Variants in PITPNC1 observed in about 807,000 individuals in gnomAD.
PITPNC1 encodes phosphatidylinositol transfer protein cytoplasmic 1.
PITPNC1 carries 18 observed loss-of-function variants against 44.7 expected under a neutral mutation model. The observed-to-expected ratio is 0.40, with a 90% CI of 0.28 to 0.60. The LOEUF is 0.60. Ranked by LOEUF, PITPNC1 falls within the 20% of genes least tolerant of loss-of-function variation. The probability of loss-of-function intolerance (pLI) is 0.39; values close to 1 mark genes in which losing one functional copy is unlikely to be tolerated. For synonymous variants in PITPNC1, 141 were observed against 149.6 expected, an observed-to-expected ratio of 0.94 and a Z score of 0.42; for missense variants, 290 against 418.4, an observed-to-expected ratio of 0.69 and a Z score of 2.68.
chr17:67,406,650 G>A (rs1242837350), intron 1 of PITPNC1, among the ~76,000 whole-genome samples: 4 of 150,552 alleles, frequency 2.7e-5, no homozygotes, highest in Non-Finnish European at 4.4e-5. Flanking sequence ...CCATTGGTGC[G>A]ATCTCAGCCC....
chr17:67,682,891 G>A (rs11655597), intron 8 of PITPNC1, among the ~76,000 whole-genome samples: 90,746 of 152,034 alleles, frequency 0.6, 28,781 homozygotes, highest in Non-Finnish European at 0.71. Context: ...GCCGGGTGTG[G>A]TGGCTCACGC....
chr17:67,559,610 G>C (rs2040881077), intron 4 of PITPNC1, among the ~76,000 whole-genome samples: 2 of 152,216 alleles, frequency 1.3e-5, no homozygotes, highest in Admixed American at 1.3e-4. Context: ...AGTAAGGCCA[G>C]GTGTGGTGGC....
chr17:67,380,538 G>T (rs1379515747), intron 1 of PITPNC1, among the ~76,000 whole-genome samples: 1 of 152,190 alleles, frequency 6.6e-6, no homozygotes, highest in African/African-American at 2.4e-5. Context: ...AGAAGCAGGA[G>T]GGCAATTTAG....
intron 8 of PITPNC1, among the ~76,000 whole-genome samples, chr17:67,678,937 G>C (rs2042652402): frequency 1.3e-5 from 2 of 152,202 alleles, no homozygotes; most frequent in Admixed American, 1.3e-4. Context: ...CTCAAAGTAA[G>C]GTCCCTGGAC....
At chr17:67,688,349 A>AAAAAAAAAAAAAAAAAAAAAAAC (rs1567782236) in intron 8 of PITPNC1, among the ~76,000 whole-genome samples, 1 of 149,860 alleles carries the variant, frequency 6.7e-6, no homozygotes, top group African/African-American at 2.4e-5. Context: ...AAAAAAAAAA[A>AAAAAAAAAAAAAAAAAAAAAAAC]AATCAATGCT....
At chr17:67,649,690 G>A (rs1035933934) in intron 6 of PITPNC1, among the ~76,000 whole-genome samples, 1 of 152,070 alleles carries the variant, frequency 6.6e-6, no homozygotes, top group Non-Finnish European at 1.5e-5. Context: ...TTCGAGACTA[G>A]CCTGGCCAAC....
At chr17:67,414,576 T>C (rs1004900812) in intron 1 of PITPNC1, among the ~76,000 whole-genome samples, 4 of 152,194 alleles carry the variant, frequency 2.6e-5, no homozygotes, top group Non-Finnish European at 4.4e-5. Flanking sequence ...TAAGGTTTTA[T>C]TGGAACACGG....
chr17:67,519,937 G>A (rs1204601364), intron 1 of PITPNC1, among the ~76,000 whole-genome samples: 1 of 152,220 alleles, frequency 6.6e-6, no homozygotes, highest in Non-Finnish European at 1.5e-5. Context: ...GGCATGAAGT[G>A]CCTTGAATAA....
At chr17:67,533,405 C>T (rs538249243) in intron 2 of PITPNC1, among the ~76,000 whole-genome samples, 1 of 152,090 alleles carries the variant, frequency 6.6e-6, no homozygotes, top group East Asian at 1.9e-4. Context: ...CGTGTTACAG[C>T]GAAATGTGAT....
At chr17:67,636,743 GTTTT>G (rs2042037902) in intron 6 of PITPNC1, among the ~76,000 whole-genome samples, 1 of 152,200 alleles carries the variant, frequency 6.6e-6, no homozygotes, top group African/African-American at 2.4e-5. Flanking sequence ...TTCCTGGGCT[GTTTT>G]GGTGGTTGTG....
intron 1 of PITPNC1, among the ~76,000 whole-genome samples, chr17:67,411,924 C>T (rs2143845375): frequency 6.6e-6 from 1 of 152,202 alleles, no homozygotes; most frequent in East Asian, 1.9e-4. Context: ...GATTTGAACC[C>T]AGATACTCTG....
At chr17:67,383,873 A>G (rs180925115) in intron 1 of PITPNC1, among the ~76,000 whole-genome samples, 1 of 152,100 alleles carries the variant, frequency 6.6e-6, no homozygotes, top group Non-Finnish European at 1.5e-5. Context: ...CCCCGTCTCT[A>G]CTAAAAATAC....
intron 5 of PITPNC1, among the ~76,000 whole-genome samples, chr17:67,586,049 A>T (rs2041311591): frequency 6.6e-6 from 1 of 152,176 alleles, no homozygotes. Flanking sequence ...GGACCCTAAC[A>T]CAGCCTCACA....
At chr17:67,607,229 GC>G (rs1568063039) in intron 5 of PITPNC1, among the ~76,000 whole-genome samples, 2 of 152,144 alleles carry the variant, frequency 1.3e-5, no homozygotes, top group Non-Finnish European at 2.9e-5. Flanking sequence ...GCAAGATGGT[GC>G]TTTTCTGACT....
chr17:67,511,022 T>C (rs1013926468), intron 1 of PITPNC1, among the ~76,000 whole-genome samples: 10 of 152,108 alleles, frequency 6.6e-5, no homozygotes, highest in Admixed American at 5.9e-4. Context: ...CAATGGACAA[T>C]ATATTTTTTT....
At chr17:67,489,990 G>A (rs1394416330) in intron 1 of PITPNC1, among the ~76,000 whole-genome samples, 1 of 152,076 alleles carries the variant, frequency 6.6e-6, no homozygotes, top group East Asian at 1.9e-4. Context: ...ATCCCCCTCG[G>A]TCTCCCAAAA....
At chr17:67,629,135 TC>T (rs2144327208) in intron 5 of PITPNC1, among the ~76,000 whole-genome samples, 1 of 152,238 alleles carries the variant, frequency 6.6e-6, no homozygotes, top group South Asian at 2.1e-4. Context: ...CGTGCTTAGT[TC>T]CCTTTCTTTG....
chr17:67,522,939 G>A (rs1378591393), intron 1 of PITPNC1, among the ~76,000 whole-genome samples: 2 of 151,922 alleles, frequency 1.3e-5, no homozygotes, highest in African/African-American at 2.4e-5. Flanking sequence ...CAAAGCACTG[G>A]GATTACAGGC....
chr17:67,459,013 C>T (rs2039295572), intron 1 of PITPNC1, among the ~76,000 whole-genome samples: 1 of 151,876 alleles, frequency 6.6e-6, no homozygotes, highest in Middle Eastern at 3.2e-3. Context: ...TCTCCTAGAC[C>T]CCTGTACCAG....
Sources: gnomAD v4.1 joint callset for allele counts (sites outside exome capture counted in the v4.1 genomes callset) on GRCh38, gnomAD v4.1.1 for gene constraint, MANE v1.5 for transcripts, NCBI Gene and HGNC (gene_info 2026-07-23, HGNC 2026-07-21) for gene names.